The following IFNLR1 variants were observed in gnomAD, a reference collection of about 807,000 sequenced individuals.
IFNLR1 encodes the protein interferon lambda receptor 1, also known as CRF2-12.
In IFNLR1, 28 loss-of-function variants were observed where a neutral mutation model predicts 52.5. The observed-to-expected ratio is 0.53, with a 90% CI of 0.40 to 0.73. IFNLR1 has a LOEUF of 0.73. Ranked by LOEUF, IFNLR1 falls within the 30% of genes least tolerant of loss-of-function variation. The probability of loss-of-function intolerance (pLI) is 0.00; values close to 1 mark genes in which losing one functional copy is unlikely to be tolerated. For synonymous variants in IFNLR1, 276 were observed against 274.9 expected (o/e 1.00, Z -0.04); for missense variants, 623 against 659.1 (o/e 0.95, Z 0.60).
chr1:24,173,092 A>T (rs575231460), intron 2 of IFNLR1, among the ~76,000 whole-genome samples: 1 of 149,390 alleles, frequency 6.7e-6, no homozygotes, highest in South Asian at 2.1e-4. Context: ...CACCTGATAT[A>T]CTGGATTTTA....
rs200988201 is a variant in IFNLR1 at position 24,180,820 on chromosome 1, C to A, written c.93G>T (p.Thr31=). ...RPRLAPPQNV[T]LLSQNFSVYL... is the part of the protein sequence containing the mutation. ...ACACGCTGAAGTTCTGGGAGAGCAG[C>A]GTCACATTCTGGGGAGGGGCCAGAC... The change falls in exon 2 of 7, where the codon ACG becomes ACT. Residue 31 remains threonine, a synonymous_variant. Transcript: ENST00000327535. 3 of 1,613,878 alleles carry A rather than the reference C, an allele frequency of 1.9e-6. No homozygotes were observed. The highest frequency in any genetic ancestry group is 1.3e-5 in the African/African-American group (1 of 75,006).
intron 2 of IFNLR1, among the ~76,000 whole-genome samples, chr1:24,173,771 C>T (rs139598191): frequency 6.6e-6 from 1 of 152,170 alleles, no homozygotes; most frequent in African/African-American, 2.4e-5. Flanking sequence ...ACCTCAGCCT[C>T]CTGAGATGGC....
intron 1 of IFNLR1, among the ~76,000 whole-genome samples, chr1:24,181,093 C>T (rs1046037629): frequency 1.3e-5 from 2 of 152,162 alleles, no homozygotes; most frequent in Non-Finnish European, 2.9e-5. Context: ...GAACAGGAAC[C>T]TAATGGCCTC....
intron 1 of IFNLR1, among the ~76,000 whole-genome samples, chr1:24,185,574 A>G (rs1456627718): frequency 2.0e-5 from 3 of 152,176 alleles, no homozygotes; most frequent in Admixed American, 2.0e-4. Context: ...TCTAGACCCA[A>G]AAGTGGGTGC....
rs185370251 is a variant in IFNLR1 at position 24,155,346 on chromosome 1, T to C, written c.*1784A>G. On this transcript the variant is annotated 3_prime_UTR_variant, in exon 7 of 7. Coordinates refer to ENST00000327535, the MANE Select transcript of IFNLR1 (RefSeq NM_170743.4). ...CCGGCTGTGCAGAGATCGAAGCTCT[T>C]ACCCTTGGGGATGTGCACAAGTCAT... 2.2e-4 allele frequency: 34 copies of C among 152,362 alleles called. 1 individual carries two copies. The highest frequency in any genetic ancestry group is 1.4e-3 in the Admixed American group (21 of 15,298). The allele number at this position is 152,362 out of a possible 1,614,324, so 9.4% of individuals were successfully genotyped here. A position where few individuals can be genotyped will look rare whatever the true frequency, so the allele number is the denominator to read the frequency against.
At chr1:24,186,327 A>G (rs1326432681) in intron 1 of IFNLR1, among the ~76,000 whole-genome samples, 2 of 152,108 alleles carry the variant, frequency 1.3e-5, no homozygotes, top group African/African-American at 4.8e-5. Context: ...CTTCTTGAGG[A>G]ATTCCCTGAA....
intron 2 of IFNLR1, among the ~76,000 whole-genome samples, chr1:24,177,668 G>A (rs1436196393): frequency 1.3e-5 from 2 of 152,136 alleles, no homozygotes; most frequent in African/African-American, 4.8e-5. Flanking sequence ...CACCCTCACA[G>A]ACACCCCCAG....
intron 3 of IFNLR1, among the ~76,000 whole-genome samples, chr1:24,164,962 C>A (rs1338495364): frequency 6.6e-6 from 1 of 152,122 alleles, no homozygotes; most frequent in Admixed American, 6.6e-5. Flanking sequence ...GGAGTTTCCC[C>A]ACATTGGCCA....
intron 3 of IFNLR1, among the ~76,000 whole-genome samples, chr1:24,163,537 A>G (rs943220805): frequency 2.0e-5 from 3 of 150,806 alleles, no homozygotes; most frequent in African/African-American, 4.9e-5. Flanking sequence ...TCTGCCTACC[A>G]TGGTCTTCCC....
chr1:24,158,837 A>C (rs569318591), intron 6 of IFNLR1, among the ~76,000 whole-genome samples: 7 of 152,290 alleles, frequency 4.6e-5, no homozygotes, highest in African/African-American at 1.7e-4. Flanking sequence ...ATCTCAAAGG[A>C]ACTTAAGGCA....
intron 3 of IFNLR1, among the ~76,000 whole-genome samples, chr1:24,163,749 T>C (rs1332931273): frequency 6.6e-6 from 1 of 152,102 alleles, no homozygotes; most frequent in Non-Finnish European, 1.5e-5. Flanking sequence ...TTGGCTAATT[T>C]TGTATTTTTA....
chr1:24,173,025 T>G (rs116392258), intron 2 of IFNLR1, among the ~76,000 whole-genome samples: 5 of 151,758 alleles, frequency 3.3e-5, no homozygotes, highest in Non-Finnish European at 7.4e-5. Flanking sequence ...AATAGTCACT[T>G]AGAGGTTAGG....
In IFNLR1 at chr1:24,162,771, TC is replaced by T. The variant is rs1331473661; in HGVS notation, c.368-1088del. Among the ~76,000 whole-genome samples, 175 of 39,646 alleles carry T rather than the reference TC, an allele frequency of 4.4e-3. 11 individuals carry two copies. Among genetic ancestry groups the T allele is most frequent in the Non-Finnish European group, 6.1e-3 (122 of 20,080 alleles). 26.0% of individuals were successfully genotyped at this position (39,646 alleles called of 152,430 possible). A position where few individuals can be genotyped will look rare whatever the true frequency, so the allele number is the denominator to read the frequency against. On this transcript the variant is annotated intron_variant, in intron 3 of 6. Transcript: ENST00000327535. ...TTCTTTCTTTCTTTCTTTCTTTCTT[TC>T]TTTCTTTTTCTTTCTTTTTCTTTCT...
chr1:24,176,781 C>A (rs886246866), intron 2 of IFNLR1, among the ~76,000 whole-genome samples: 1 of 152,138 alleles, frequency 6.6e-6, no homozygotes, highest in African/African-American at 2.4e-5. Context: ...GTATTCTCTC[C>A]TTTTTCTTTA....
At chr1:24,172,390 C>T (rs142250566) in intron 2 of IFNLR1, among the ~76,000 whole-genome samples, 1 of 152,006 alleles carries the variant, frequency 6.6e-6, no homozygotes, top group African/African-American at 2.4e-5. Context: ...GGGCAAAAGA[C>T]AGTAAAAAGT....
intron 3 of IFNLR1, among the ~76,000 whole-genome samples, chr1:24,162,711 CTT>C (rs754280124): frequency 2.5e-5 from 1 of 39,366 alleles, no homozygotes; most frequent in East Asian, 5.8e-4. Flanking sequence ...CTTTTCTTTT[CTT>C]TCTTTCTTTC....
rs1644358247 is a variant in IFNLR1, at chr1:24,154,378, GC to G, written c.*2751del. 1 of 152,204 alleles carries G rather than the reference GC, an allele frequency of 6.6e-6. No homozygotes were observed. The highest frequency in any genetic ancestry group is 2.4e-5 in the African/African-American group (1 of 41,446). The allele number at this position is 152,204 out of a possible 1,614,324, so 9.4% of individuals were successfully genotyped here. On this transcript the variant is annotated 3_prime_UTR_variant, in exon 7 of 7. Transcript: ENST00000327535. ...TTCACGGGATATGCTTCCAGCGCAG[GC>G]CCAGCCCACACCGCGCAGTTCCCAC...
At chr1:24,162,800 CTTTTTT>C (rs1644466595) in intron 3 of IFNLR1, among the ~76,000 whole-genome samples, 1 of 62,492 alleles carries the variant, frequency 1.6e-5, no homozygotes, top group African/African-American at 5.9e-5. Context: ...TTCTTTCTTT[CTTTTTT>C]CTTTCTTTTT....
At chr1:24,170,470 C>T (rs930102884) in intron 2 of IFNLR1, among the ~76,000 whole-genome samples, 2 of 152,176 alleles carry the variant, frequency 1.3e-5, no homozygotes, top group Non-Finnish European at 2.9e-5. Flanking sequence ...AAGTGATTCT[C>T]CTGCCTCAGC....
Sources: gnomAD v4.1 joint callset for allele counts (sites outside exome capture counted in the v4.1 genomes callset) on GRCh38, gnomAD v4.1.1 for gene constraint, MANE v1.5 for transcripts, NCBI Gene and HGNC (gene_info 2026-07-23, HGNC 2026-07-21) for gene names.